CNTN5: variants seen among roughly 807,000 people sequenced by gnomAD.
CNTN5 encodes contactin 5.
CNTN5 carries 77 observed loss-of-function variants against 129.1 expected under a neutral mutation model. That is an observed-to-expected ratio of 0.60 (90% confidence interval 0.50 to 0.72). The LOEUF is 0.72. Ranked by LOEUF, CNTN5 falls within the 30% of genes least tolerant of loss-of-function variation. The pLI, the probability that CNTN5 is intolerant of heterozygous loss-of-function variation, is 0.00. For synonymous variants in CNTN5, 509 were observed against 465.6 expected (o/e 1.09, Z -1.20); for missense variants, 1,478 against 1,328.8 (o/e 1.11, Z -1.75).
intron 18 of CNTN5, among the ~76,000 whole-genome samples, chr11:100,288,191 C>G (rs1386403127): frequency 1.3e-5 from 2 of 152,152 alleles, no homozygotes. Context: ...CAACATTAGA[C>G]AGATCAACGA....
chr11:99,770,347 A>T (rs1392391340), intron 3 of CNTN5, among the ~76,000 whole-genome samples: 1 of 152,122 alleles, frequency 6.6e-6, no homozygotes, highest in Non-Finnish European at 1.5e-5. Context: ...TTGTTAACAC[A>T]TCCTCATAAG....
intron 9 of CNTN5, among the ~76,000 whole-genome samples, chr11:100,007,004 G>A (rs368390914): frequency 1.6e-4 from 25 of 152,210 alleles, no homozygotes; most frequent in African/African-American, 5.8e-4. Flanking sequence ...GAACTCTTGG[G>A]TAATGAGATG....
intron 3 of CNTN5, among the ~76,000 whole-genome samples, chr11:99,575,465 T>C (rs1949314809): frequency 6.6e-6 from 1 of 152,156 alleles, no homozygotes; most frequent in East Asian, 1.9e-4. Context: ...ATCTAAATGT[T>C]TACTAAGTGA....
intron 3 of CNTN5, among the ~76,000 whole-genome samples, chr11:99,763,033 A>G (rs967040688): frequency 1.3e-5 from 2 of 152,108 alleles, no homozygotes; most frequent in African/African-American, 4.8e-5. Flanking sequence ...TGTTTCCTAA[A>G]TTTTATTGAT....
At chr11:99,872,510 A>G (rs1591344489) in intron 6 of CNTN5, among the ~76,000 whole-genome samples, 1 of 152,168 alleles carries the variant, frequency 6.6e-6, no homozygotes, top group Non-Finnish European at 1.5e-5. Flanking sequence ...CTAAACAAGT[A>G]TAAGTGAAAG....
intron 2 of CNTN5, among the ~76,000 whole-genome samples, chr11:99,456,943 A>C (rs970971430): frequency 2.3e-4 from 35 of 152,044 alleles, no homozygotes; most frequent in Admixed American, 2.2e-3. Context: ...CAAATGTTTG[A>C]GTATATTCTG....
chr11:99,582,788 A>T (rs2851605), intron 3 of CNTN5, among the ~76,000 whole-genome samples: 138,110 of 152,154 alleles, frequency 0.91, 62,829 homozygotes, highest in East Asian at 1. Flanking sequence ...TTTAGCTCAG[A>T]GTAGTTTGAT....
chr11:100,121,323 A>AGTCTG (rs1946015236), intron 13 of CNTN5, among the ~76,000 whole-genome samples: 2 of 152,112 alleles, frequency 1.3e-5, no homozygotes, highest in Non-Finnish European at 1.5e-5. Flanking sequence ...TTGTGACAAA[A>AGTCTG]GTCTGCCTAG....
At chr11:100,223,854 T>C (rs1047696543) in intron 15 of CNTN5, among the ~76,000 whole-genome samples, 6 of 152,178 alleles carry the variant, frequency 3.9e-5, no homozygotes, top group Non-Finnish European at 8.8e-5. Flanking sequence ...ATGATCACGA[T>C]AAAGGAAATC....
At chr11:99,118,314 T>G (rs1858137119) in intron 1 of CNTN5, among the ~76,000 whole-genome samples, 1 of 152,170 alleles carries the variant, frequency 6.6e-6, no homozygotes, top group South Asian at 2.1e-4. Flanking sequence ...TATTATACAT[T>G]TTGATGATTA....
At chr11:99,702,940 G>C (rs952964532) in intron 3 of CNTN5, among the ~76,000 whole-genome samples, 3 of 150,894 alleles carry the variant, frequency 2.0e-5, no homozygotes, top group African/African-American at 7.3e-5. Context: ...AGGATGAAGT[G>C]TGTTGAAACT....
intron 17 of CNTN5, among the ~76,000 whole-genome samples, chr11:100,261,896 T>C (rs776047434): frequency 1.3e-5 from 2 of 152,028 alleles, no homozygotes; most frequent in African/African-American, 4.8e-5. Flanking sequence ...GGGCAAAAAC[T>C]TCATTACTAA....
chr11:100,074,349 G>C, intron 13 of CNTN5, 55 bp downstream of exon 13: 1 of 1,397,232 alleles, frequency 7.2e-7, no homozygotes, highest in Non-Finnish European at 9.9e-7. Context: ...GAGGTTACAG[G>C]TGACACACAC....
chr11:99,097,357 T>C (rs562585047), intron 1 of CNTN5, among the ~76,000 whole-genome samples: 1 of 151,914 alleles, frequency 6.6e-6, no homozygotes, highest in South Asian at 2.1e-4. Flanking sequence ...AAAGCAAAAA[T>C]ATGATGTATT....
intron 9 of CNTN5, among the ~76,000 whole-genome samples, chr11:100,037,281 T>C (rs923526116): frequency 6.6e-6 from 1 of 150,892 alleles, no homozygotes; most frequent in African/African-American, 2.4e-5. Flanking sequence ...TATTGATTTG[T>C]GTATATTGAA....
intron 1 of CNTN5, among the ~76,000 whole-genome samples, chr11:99,068,372 AAG>A (rs1331857051): frequency 6.6e-6 from 1 of 152,216 alleles, no homozygotes; most frequent in Non-Finnish European, 1.5e-5. Flanking sequence ...AGTGTCAAGA[AAG>A]ACATTTTAGA....
chr11:99,615,564 TG>T (rs1054255292), intron 3 of CNTN5, among the ~76,000 whole-genome samples: 22 of 152,172 alleles, frequency 1.4e-4, no homozygotes, highest in African/African-American at 5.1e-4. Flanking sequence ...ACTTTTCTTT[TG>T]GGGCTTTTTG....
chr11:99,301,272 A>T (rs1864620626), intron 1 of CNTN5, among the ~76,000 whole-genome samples: 1 of 151,326 alleles, frequency 6.6e-6, no homozygotes, highest in Non-Finnish European at 1.5e-5. Context: ...TGTAAAAATG[A>T]GTTAAATACC....
intron 3 of CNTN5, among the ~76,000 whole-genome samples, chr11:99,562,831 A>G (rs1042704688): frequency 1.8e-4 from 27 of 152,162 alleles, no homozygotes; most frequent in Admixed American, 1.5e-3. Flanking sequence ...TAAAGCTGGG[A>G]AATACTGAGC....
Sources: allele counts gnomAD v4.1 joint callset (sites outside exome capture counted in the v4.1 genomes callset), GRCh38; gene constraint gnomAD v4.1.1; transcripts MANE v1.5; gene names NCBI Gene and HGNC (gene_info 2026-07-23, HGNC 2026-07-21).